Variants in RIMS1 observed in about 807,000 individuals in gnomAD.
RIMS1 encodes the protein regulating synaptic membrane exocytosis 1.
Under a neutral mutation model 214.1 loss-of-function variants are expected in RIMS1, and 83 were observed. The observed-to-expected ratio is 0.39, with a 90% confidence interval of 0.32 to 0.47. The LOEUF is 0.47. RIMS1 is among the 20% of genes least tolerant of loss of function. The pLI, the probability that RIMS1 is intolerant of heterozygous loss-of-function variation, is 0.99. For synonymous variants in RIMS1, 793 were observed against 786.8 expected (o/e 1.01, Z -0.13); for missense variants, 2,050 against 2,161.8 (o/e 0.95, Z 1.03).
intron 4 of RIMS1, among the ~76,000 whole-genome samples, chr6:72,136,649 C>A (rs551241088): frequency 1.0e-3 from 154 of 151,998 alleles, no homozygotes; most frequent in Non-Finnish European, 1.6e-3. Flanking sequence ...ATAATCACTC[C>A]AAAATTTAGT....
chr6:72,233,503 C>G (rs967605570), intron 6 of RIMS1, among the ~76,000 whole-genome samples: 11 of 147,272 alleles, frequency 7.5e-5, no homozygotes, highest in Non-Finnish European at 1.5e-4. Context: ...CAGATTAACC[C>G]TGTTTTTTTT....
intron 2 of RIMS1, among the ~76,000 whole-genome samples, chr6:71,979,288 G>C (rs1403493115): frequency 1.3e-5 from 2 of 151,940 alleles, no homozygotes; most frequent in African/African-American, 4.8e-5. Flanking sequence ...TTTAATGGCA[G>C]CTTTACATTA....
At chr6:71,889,220 C>T (rs73748922) in intron 1 of RIMS1, among the ~76,000 whole-genome samples, 2,030 of 152,248 alleles carry the variant, frequency 0.013, 42 homozygotes, top group African/African-American at 0.046. Context: ...TTGGCTGTCT[C>T]AAGCATGGTG....
chr6:72,094,455 G>A lies in RIMS1; in HGVS notation c.246-2494G>A, dbSNP rs140154851. ...TTTGATTGCACCATATAAAATTCCCGTATGTTTGAATTTAAAAACACACAG... is the reference window on the plus strand; with the variant it reads ...TTTGATTGCACCATATAAAATTCCCATATGTTTGAATTTAAAAACACACAG... On this transcript the variant is annotated intron_variant, in intron 2 of 33. Transcript: ENST00000521978. Among the ~76,000 whole-genome samples, 64 of 152,048 alleles carry A rather than the reference G, an allele frequency of 4.2e-4. No individual in the cohort carries two copies. The East Asian group carries it at 7.7e-3, about 18-fold the overall frequency.
At chr6:72,122,779 A>G (rs1412439100) in intron 4 of RIMS1, among the ~76,000 whole-genome samples, 2 of 151,826 alleles carry the variant, frequency 1.3e-5, no homozygotes, top group African/African-American at 4.8e-5. Context: ...TGTTTATAGT[A>G]TTCTCTGATG....
intron 4 of RIMS1, among the ~76,000 whole-genome samples, chr6:72,126,403 A>C (rs2039510743): frequency 6.6e-6 from 1 of 152,178 alleles, no homozygotes; most frequent in African/African-American, 2.4e-5. Context: ...AATGCAACAA[A>C]AACAGTAATG....
At chr6:71,987,695 G>T (rs1800440287) in intron 2 of RIMS1, among the ~76,000 whole-genome samples, 1 of 152,114 alleles carries the variant, frequency 6.6e-6, no homozygotes, top group Non-Finnish European at 1.5e-5. Context: ...ATCCAGAAGG[G>T]TCGGCTACAA....
At chr6:71,932,037 A>C (rs1196005828) in intron 1 of RIMS1, among the ~76,000 whole-genome samples, 1 of 152,104 alleles carries the variant, frequency 6.6e-6, no homozygotes, top group Admixed American at 6.6e-5. Flanking sequence ...TGGAAGTGTA[A>C]ATTAGTTCAA....
At position 72,196,580 on chromosome 6, in the gene RIMS1, C is replaced by CTTTTTTTT. The variant is rs61651151; in HGVS notation, c.1678+13447_1678+13454dup. 7.0e-5 allele frequency among the ~76,000 whole-genome samples: 4 copies of CTTTTTTTT among 57,214 alleles called. 1 individual carries two copies. Among genetic ancestry groups the CTTTTTTTT allele is most frequent in the Non-Finnish European group, 9.3e-5 (3 of 32,224 alleles). The allele number at this position is 57,214 out of a possible 152,430, so 37.5% of individuals were successfully genotyped here. ...AGTACTGTGCTGGCAGCCAGCTGCA[C>CTTTTTTTT]TTTTTTTTTTTTTTTTTTTTTTTAC... On this transcript the variant is annotated intron_variant, in intron 6 of 33. Transcript: ENST00000521978.
intron 8 of RIMS1, among the ~76,000 whole-genome samples, chr6:72,236,079 T>A (rs2063909940): frequency 6.6e-6 from 1 of 152,168 alleles, no homozygotes; most frequent in Non-Finnish European, 1.5e-5. Flanking sequence ...TTAATAGTGC[T>A]GTCTTATTGA....
chr6:71,956,623 C>T (rs990590986), intron 1 of RIMS1, among the ~76,000 whole-genome samples: 4 of 152,030 alleles, frequency 2.6e-5, no homozygotes, highest in East Asian at 1.9e-4. Flanking sequence ...AGACAGGAAC[C>T]GACTTCATAC....
At chr6:72,255,334 T>C (rs1263061772) in intron 16 of RIMS1, among the ~76,000 whole-genome samples, 1 of 152,218 alleles carries the variant, frequency 6.6e-6, no homozygotes, top group African/African-American at 2.4e-5. Flanking sequence ...CTTCTATATA[T>C]GTTTAATGTA....
chr6:72,095,461 A>G (rs2031240317), intron 2 of RIMS1, among the ~76,000 whole-genome samples: 2 of 152,218 alleles, frequency 1.3e-5, no homozygotes, highest in Admixed American at 1.3e-4. Flanking sequence ...TCATTAAATG[A>G]AATATCACAT....
intron 4 of RIMS1, among the ~76,000 whole-genome samples, chr6:72,162,486 T>C (rs1301665556): frequency 2.8e-5 from 4 of 141,040 alleles, no homozygotes; most frequent in Non-Finnish European, 4.8e-5. Context: ...CTAGCCTTGA[T>C]GGTCTTTACA....
intron 4 of RIMS1, among the ~76,000 whole-genome samples, chr6:72,142,638 G>A (rs914653734): frequency 1.1e-4 from 17 of 151,892 alleles, no homozygotes; most frequent in Admixed American, 7.2e-4. Flanking sequence ...TGAGGTTATC[G>A]CCAGCTTAAA....
chr6:72,231,211 G>T, intron 6 of RIMS1, among the ~76,000 whole-genome samples: 1 of 151,636 alleles, frequency 6.6e-6, no homozygotes, highest in East Asian at 1.9e-4. Flanking sequence ...TCAAAGTTCA[G>T]TAATATCTTT....
At chr6:72,189,049 T>C (rs2049609422) in intron 6 of RIMS1, among the ~76,000 whole-genome samples, 1 of 152,210 alleles carries the variant, frequency 6.6e-6, no homozygotes, top group South Asian at 2.1e-4. Flanking sequence ...CAGAACATAA[T>C]GTTATGGGAA....
At chr6:71,925,111 T>A (rs1303965615) in intron 1 of RIMS1, among the ~76,000 whole-genome samples, 4 of 152,196 alleles carry the variant, frequency 2.6e-5, no homozygotes, top group Admixed American at 6.5e-5. Flanking sequence ...TCAATGATAA[T>A]GGGTTAATGA....
At chr6:72,106,796 C>T (rs553507412) in intron 4 of RIMS1, among the ~76,000 whole-genome samples, 1 of 152,242 alleles carries the variant, frequency 6.6e-6, no homozygotes, top group Admixed American at 6.5e-5. Flanking sequence ...TTTTAGTTCT[C>T]TTTAAAATTT....
Sources: gnomAD v4.1 joint callset for allele counts (sites outside exome capture counted in the v4.1 genomes callset) on GRCh38, gnomAD v4.1.1 for gene constraint, MANE v1.5 for transcripts, NCBI Gene and HGNC (gene_info 2026-07-23, HGNC 2026-07-21) for gene names.